FILIP1L: variants seen among roughly 807,000 people sequenced by gnomAD.
FILIP1L encodes filamin A-interacting protein 1-like.
In FILIP1L, 55 loss-of-function variants were observed where a neutral mutation model predicts 96.6. The observed-to-expected ratio is 0.57, with a 90% confidence interval of 0.46 to 0.71. The LOEUF (loss-of-function observed/expected upper bound fraction) is 0.71. Among genes scored for constraint, FILIP1L ranks in the 30% least tolerant of loss-of-function variants. The probability of loss-of-function intolerance (pLI) is 0.00; values close to 1 mark genes in which losing one functional copy is unlikely to be tolerated. For missense variants in FILIP1L, 1,304 were observed against 1,321.2 expected, an observed-to-expected ratio of 0.99 and a Z score of 0.20; for synonymous variants, 467 against 473.9, an observed-to-expected ratio of 0.99 and a Z score of 0.19.
At chr3:99,930,331 G>A (rs1707437335) in intron 2 of FILIP1L, among the ~76,000 whole-genome samples, 1 of 152,064 alleles carries the variant, frequency 6.6e-6, no homozygotes, top group African/African-American at 2.4e-5. Context: ...ATTTTCAGGG[G>A]GTAGGAAATA....
At chr3:99,844,001 G>A (rs868335151) in intron 5 of FILIP1L, among the ~76,000 whole-genome samples, 51 of 47,920 alleles carry the variant, frequency 1.1e-3, no homozygotes, top group Middle Eastern at 0.03. Context: ...CCAACCCCCC[G>A]CCCATGGAAA....
chr3:99,864,647 T>C (rs1944422184), intron 4 of FILIP1L, among the ~76,000 whole-genome samples: 1 of 152,100 alleles, frequency 6.6e-6, no homozygotes. Context: ...TCCCATGCTT[T>C]CTGCTCCACC....
intron 4 of FILIP1L, among the ~76,000 whole-genome samples, chr3:99,874,085 C>A (rs953666244): frequency 3.3e-5 from 5 of 152,042 alleles, no homozygotes; most frequent in African/African-American, 1.2e-4. Context: ...TGTGATTGTT[C>A]TTTGAACCAT....
intron 1 of FILIP1L, among the ~76,000 whole-genome samples, chr3:100,072,516 A>G (rs940856032): frequency 6.6e-6 from 1 of 152,202 alleles, no homozygotes; most frequent in African/African-American, 2.4e-5. Context: ...GCAGTGGTGC[A>G]ATATCTTGCA....
intron 4 of FILIP1L, among the ~76,000 whole-genome samples, chr3:99,901,129 T>C (rs1706422059): frequency 6.6e-6 from 1 of 152,218 alleles, no homozygotes; most frequent in Non-Finnish European, 1.5e-5. Context: ...TTAATACAAA[T>C]CAAGTAAGCT....
intron 1 of FILIP1L, among the ~76,000 whole-genome samples, chr3:99,972,638 A>G (rs1437010492): frequency 2.0e-5 from 3 of 152,190 alleles, no homozygotes; most frequent in Non-Finnish European, 4.4e-5. Flanking sequence ...GTGCTTATGA[A>G]ATGAGCCCAT....
intron 1 of FILIP1L, among the ~76,000 whole-genome samples, chr3:99,959,589 A>T (rs1467720567): frequency 6.6e-6 from 1 of 152,196 alleles, no homozygotes; most frequent in Non-Finnish European, 1.5e-5. Flanking sequence ...CACGTGTATA[A>T]TTTCTTTAGC....
At chr3:99,978,000 TATTCTGTTTTGAAGTTCCTC>T (rs1709020043) in intron 1 of FILIP1L, among the ~76,000 whole-genome samples, 1 of 152,210 alleles carries the variant, frequency 6.6e-6, no homozygotes, top group Non-Finnish European at 1.5e-5. Context: ...TTAAGATTAA[TATTCTGTTTTGAAGTTCCTC>T]ATAATTCCAC....
intron 1 of FILIP1L, among the ~76,000 whole-genome samples, chr3:99,987,528 CAA>C (rs1209242716): frequency 1.4e-4 from 8 of 57,148 alleles, no homozygotes; most frequent in Admixed American, 2.0e-4. Flanking sequence ...GATTCTGTCT[CAA>C]AAAAAAAAAA....
chr3:100,015,869 G>A (rs372429424), intron 1 of FILIP1L, among the ~76,000 whole-genome samples: 4 of 152,214 alleles, frequency 2.6e-5, no homozygotes, highest in South Asian at 2.1e-4. Flanking sequence ...ATAATGAGGC[G>A]ATGTATATAT....
intron 1 of FILIP1L, among the ~76,000 whole-genome samples, chr3:100,077,650 C>T (rs1217938138): frequency 6.6e-6 from 1 of 152,096 alleles, no homozygotes; most frequent in Non-Finnish European, 1.5e-5. Context: ...TGGCTTTGCC[C>T]AGTGGCTCAC....
intron 1 of FILIP1L, among the ~76,000 whole-genome samples, chr3:100,015,074 G>T (rs911105166): frequency 6.6e-6 from 1 of 150,668 alleles, no homozygotes. Context: ...TTTGTGTATT[G>T]TACGAGATAA....
At chr3:99,973,232 AT>A (rs550716881) in intron 1 of FILIP1L, among the ~76,000 whole-genome samples, 2 of 152,062 alleles carry the variant, frequency 1.3e-5, no homozygotes, top group African/African-American at 4.8e-5. Flanking sequence ...ATGAATAAAA[AT>A]TTTTTTTCTC....
At chr3:100,086,315 G>T (rs1207146288) in intron 1 of FILIP1L, among the ~76,000 whole-genome samples, 1 of 152,144 alleles carries the variant, frequency 6.6e-6, no homozygotes, top group African/African-American at 2.4e-5. Context: ...GAAGTTAGTT[G>T]TACTTGTTTG....
chr3:99,946,368 A>C (rs1576592423), intron 1 of FILIP1L, among the ~76,000 whole-genome samples: 1 of 152,236 alleles, frequency 6.6e-6, no homozygotes, highest in Non-Finnish European at 1.5e-5. Context: ...TTTGTTACGG[A>C]AAAGGAGTTT....
chr3:99,929,809 T>C (rs1261182729), intron 3 of FILIP1L, 47 bp downstream of exon 3: 2 of 1,419,340 alleles, frequency 1.4e-6, no homozygotes, highest in African/African-American at 2.9e-5. Flanking sequence ...TCTGCAGGGC[T>C]AGTGCTTGGC....
At chr3:99,962,185 G>A (rs184039921) in intron 1 of FILIP1L, among the ~76,000 whole-genome samples, 33 of 152,266 alleles carry the variant, frequency 2.2e-4, no homozygotes, top group Admixed American at 2.0e-3. Flanking sequence ...TGAGTTCAGG[G>A]AAGTGAGGGT....
chr3:99,974,684 G>A (rs1200677899), intron 1 of FILIP1L, among the ~76,000 whole-genome samples: 1 of 152,100 alleles, frequency 6.6e-6, no homozygotes, highest in Non-Finnish European at 1.5e-5. Context: ...TCCAGCCTGA[G>A]TAACAAGAGC....
At chr3:99,978,430 A>G (rs1709029786) in intron 1 of FILIP1L, among the ~76,000 whole-genome samples, 1 of 152,246 alleles carries the variant, frequency 6.6e-6, no homozygotes. Flanking sequence ...TGGTATATCT[A>G]CACAATGGAA....
Sources: gnomAD v4.1 joint callset for allele counts (sites outside exome capture counted in the v4.1 genomes callset) on GRCh38, gnomAD v4.1.1 for gene constraint, MANE v1.5 for transcripts, NCBI Gene and HGNC (gene_info 2026-07-23, HGNC 2026-07-21) for gene names.